Variants in METAP1D observed in about 807,000 individuals in gnomAD.
METAP1D encodes methionyl aminopeptidase type 1D, mitochondrial, also known as methionine aminopeptidase 1D, mitochondrial.
A neutral mutation model predicts 40.5 loss-of-function variants in METAP1D; 31 were observed. The observed-to-expected ratio is 0.77, with a 90% CI of 0.58 to 1.03. METAP1D has a LOEUF of 1.03. Among genes scored for constraint, METAP1D ranks in the 50% least tolerant of loss-of-function variants. METAP1D has a pLI of 0.00. For synonymous variants in METAP1D, 151 were observed against 146.4 expected, an observed-to-expected ratio of 1.03 and a Z score of -0.22; for missense variants, 411 against 420.7, an observed-to-expected ratio of 0.98 and a Z score of 0.20.
intron 1 of METAP1D, among the ~76,000 whole-genome samples, chr2:172,025,324 AAAATTATTATTAT>A (rs1689099930): frequency 6.6e-6 from 1 of 152,052 alleles, no homozygotes; most frequent in Non-Finnish European, 1.5e-5. Flanking sequence ...GTTATGGAAA[AAAATTATTATTAT>A]TATTATTTTG....
chr2:172,035,322 G>A (rs1433349709), intron 1 of METAP1D, among the ~76,000 whole-genome samples: 2 of 151,916 alleles, frequency 1.3e-5, no homozygotes. Context: ...CGGCCACCAC[G>A]CCCGGCTAAC....
intron 1 of METAP1D, among the ~76,000 whole-genome samples, chr2:172,045,656 C>T (rs1191150238): frequency 2.8e-5 from 3 of 107,716 alleles, no homozygotes; most frequent in South Asian, 3.3e-4. Flanking sequence ...AGTGAAACTC[C>T]GTCTCAGGAA....
intron 5 of METAP1D, among the ~76,000 whole-genome samples, chr2:172,066,915 G>T (rs1356010203): frequency 1.3e-5 from 2 of 152,206 alleles, no homozygotes; most frequent in Admixed American, 6.5e-5. Flanking sequence ...AAAGTAAGCA[G>T]AGTGGTTTTT....
At chr2:172,026,243 G>A (rs1450750418) in intron 1 of METAP1D, among the ~76,000 whole-genome samples, 3 of 152,126 alleles carry the variant, frequency 2.0e-5, no homozygotes, top group Admixed American at 6.5e-5. Flanking sequence ...TCTAGATTTC[G>A]CTTTTTGGGT....
Position 172,041,893 on chromosome 2 carries a change from C to G in METAP1D, c.41-19605C>G, listed in dbSNP as rs1311671810. Among the ~76,000 whole-genome samples the G allele has an allele frequency of 3.4e-5, 4 of 116,866 alleles. No homozygotes were observed. The East Asian group carries it at 8.3e-4, about 24-fold the overall frequency. The allele number at this position is 116,866 out of a possible 152,430, so 76.7% of individuals were successfully genotyped here. ...TCAACTCACTGCAACCTCCGCCTCC[C>G]ACATTCAAGCAATTCTCCTGCCTCA... On this transcript the variant is annotated intron_variant, in intron 1 of 9. Coordinates refer to ENST00000315796, the MANE Select transcript of METAP1D (RefSeq NM_199227.3).
At chr2:172,028,661 G>A (rs1270248543) in intron 1 of METAP1D, among the ~76,000 whole-genome samples, 1 of 149,486 alleles carries the variant, frequency 6.7e-6, no homozygotes, top group Non-Finnish European at 1.5e-5. Context: ...ATAATATCTT[G>A]GTCATCTCTG....
In METAP1D at chr2:172,081,751, T is replaced by C. The variant is rs890775519; in HGVS notation, c.*1345T>C. The C allele has an allele frequency of 6.6e-6, 1 of 152,230 alleles. No homozygotes were observed. Among genetic ancestry groups the C allele is most frequent in the Non-Finnish European group, 1.5e-5 (1 of 68,062 alleles). The allele number at this position is 152,230 out of a possible 1,614,324, so 9.4% of individuals were successfully genotyped here. ...TGAAGCGGGTTTTGCAAAGCTGACA[T>C]CCCTTAAAGATAACTTGGGCTTTCG... On this transcript the variant is annotated 3_prime_UTR_variant, in exon 10 of 10. Transcript: ENST00000315796.
chr2:172,060,153 C>T (rs1465282422), intron 1 of METAP1D, among the ~76,000 whole-genome samples: 1 of 152,094 alleles, frequency 6.6e-6, no homozygotes, highest in African/African-American at 2.4e-5. Context: ...CAGTAGCTCA[C>T]GCCTGTAACC....
At chr2:172,045,524 G>A (rs537462652) in intron 1 of METAP1D, among the ~76,000 whole-genome samples, 1 of 148,774 alleles carries the variant, frequency 6.7e-6, no homozygotes, top group East Asian at 2.0e-4. Context: ...AGCCGGGCGT[G>A]GTGGCGCACG....
chr2:172,069,122 T>A (rs372657427), intron 5 of METAP1D, among the ~76,000 whole-genome samples: 6 of 152,090 alleles, frequency 3.9e-5, no homozygotes, highest in African/African-American at 1.4e-4. Flanking sequence ...TCACTATGTT[T>A]CCCAAGCTGG....
At chr2:172,003,380 C>T (rs779216041) in intron 1 of METAP1D, among the ~76,000 whole-genome samples, 4 of 152,202 alleles carry the variant, frequency 2.6e-5, no homozygotes, top group African/African-American at 9.6e-5. Flanking sequence ...GCTCGGGCCA[C>T]GAAGCAAGAT....
intron 2 of METAP1D, among the ~76,000 whole-genome samples, chr2:172,063,026 G>A (rs1387428138): frequency 1.3e-5 from 2 of 152,200 alleles, no homozygotes; most frequent in Non-Finnish European, 2.9e-5. Context: ...CCTGAATACT[G>A]CCCATGGTGG....
intron 1 of METAP1D, among the ~76,000 whole-genome samples, chr2:172,045,785 G>A (rs13003030): frequency 1.4e-4 from 9 of 66,174 alleles, no homozygotes; most frequent in South Asian, 5.8e-4. Context: ...ATATGTGTAT[G>A]TATATGTATA....
intron 1 of METAP1D, among the ~76,000 whole-genome samples, chr2:172,041,640 A>G (rs895227860): frequency 3.4e-5 from 4 of 119,310 alleles, no homozygotes; most frequent in Admixed American, 1.7e-4. Context: ...CAGATACATA[A>G]TTCAAAACCA....
In METAP1D at chr2:172,042,955, GTA is replaced by G. The variant is rs1221017611; in HGVS notation, c.41-18535_41-18534del. Among the ~76,000 whole-genome samples the G allele has an allele frequency of 5.9e-3, 739 of 126,072 alleles. 65 individuals are homozygous for G. Among genetic ancestry groups the G allele is most frequent in the African/African-American group, 0.018 (689 of 37,814 alleles). The allele number at this position is 126,072 out of a possible 152,430, so 82.7% of individuals were successfully genotyped here. ...TGTGTATACACGTATGCGTACCTGTGTATATATATGCGTACATGTGCATACAT... is the reference window on the plus strand; with the variant it reads ...TGTGTATACACGTATGCGTACCTGTGTATATATGCGTACATGTGCATACAT... On this transcript the variant is annotated intron_variant, in intron 1 of 9. Transcript: ENST00000315796.
rs750723446 is a variant in METAP1D at position 172,080,382 on chromosome 2, G to T, written c.984G>T (p.Leu328=). Residue 328 remains leucine (L), a synonymous_variant, in exon 10 of 10, where the codon CTG becomes CTT. Transcript: ENST00000315796. ...VLITSRGAQI[L]TKLPHEA ...TCACGTCGAGGGGCGCGCAGATCCTGACCAAACTACCCCATGAGGCCTGAG... is the reference window on the plus strand; with the variant it reads ...TCACGTCGAGGGGCGCGCAGATCCTTACCAAACTACCCCATGAGGCCTGAG... 4 of 1,614,046 alleles carry T rather than the reference G, an allele frequency of 2.5e-6. No homozygotes were observed. In the South Asian group the frequency reaches 4.4e-5, roughly 18 times the overall value.
intron 6 of METAP1D, 21 bp from the exon 7 acceptor site, chr2:172,077,776 A>AT (rs1316568618): frequency 5.4e-6 from 7 of 1,287,856 alleles, no homozygotes; most frequent in Admixed American, 2.1e-5. Context: ...TTAATTAAAT[A>AT]TTTTTTGGTC....
At chr2:172,004,059 C>T (rs766117805) in intron 1 of METAP1D, among the ~76,000 whole-genome samples, 31 of 152,086 alleles carry the variant, frequency 2.0e-4, no homozygotes, top group East Asian at 5.8e-4. Context: ...CATGAACCAC[C>T]GCACCTGGCC....
chr2:172,031,209 T>C (rs974449340), intron 1 of METAP1D, among the ~76,000 whole-genome samples: 1 of 152,242 alleles, frequency 6.6e-6, no homozygotes, highest in African/African-American at 2.4e-5. Flanking sequence ...TTTGGGTTAA[T>C]GGAGTATCCT....
Sources: gnomAD v4.1 joint callset for allele counts (sites outside exome capture counted in the v4.1 genomes callset) on GRCh38, gnomAD v4.1.1 for gene constraint, MANE v1.5 for transcripts, NCBI Gene and HGNC (gene_info 2026-07-23, HGNC 2026-07-21) for gene names.